The following SLIT2 variants were observed in gnomAD, a reference collection of about 807,000 sequenced individuals.
The protein encoded by SLIT2 is slit homolog 2 protein.
Under a neutral mutation model 185.7 loss-of-function variants are expected in SLIT2, and 41 were observed. The observed-to-expected ratio is 0.22, with a 90% CI of 0.17 to 0.29. The LOEUF is 0.29. Ranked by LOEUF, SLIT2 falls within the 10% of genes least tolerant of loss-of-function variation. The pLI is 1.00. For synonymous variants in SLIT2, 693 were observed against 680.2 expected (o/e 1.02, Z -0.29); for missense variants, 1,571 against 1,909.0 (o/e 0.82, Z 3.30).
chr4:20,522,034 CTCT>C (rs1311120178), intron 12 of SLIT2, among the ~76,000 whole-genome samples: 4 of 152,070 alleles, frequency 2.6e-5, no homozygotes, highest in Non-Finnish European at 5.9e-5. Flanking sequence ...CAGTTTCTCC[CTCT>C]TAAGGCGGGA....
At position 20,490,463 on chromosome 4, in the gene SLIT2, A is replaced by G. The variant is rs75487615; in HGVS notation, c.776-1298A>G. Among the ~76,000 whole-genome samples, 1,151 of 152,232 alleles carry G rather than the reference A, an allele frequency of 7.6e-3. 19 individuals are homozygous for G. The highest frequency in any genetic ancestry group is 0.027 in the African/African-American group (1,103 of 41,536). On this transcript the variant is annotated intron_variant, in intron 8 of 36. Transcript: ENST00000504154. ...TATGTGTGGGTGTGTGTGTATATAT[A>G]TATATGTATGGTTGGTTCTGCTTCA... is the stretch of plus-strand genomic sequence containing the variant.
intron 4 of SLIT2, among the ~76,000 whole-genome samples, chr4:20,433,963 A>C (rs994064912): frequency 1.3e-5 from 2 of 152,216 alleles, no homozygotes; most frequent in Non-Finnish European, 2.9e-5. Flanking sequence ...CACTTAGTGA[A>C]GACTCAGGAC....
chr4:20,483,780 G>A (rs962968549), intron 6 of SLIT2, among the ~76,000 whole-genome samples: 3 of 152,080 alleles, frequency 2.0e-5, no homozygotes, highest in Admixed American at 1.3e-4. Context: ...GTTGAGCACA[G>A]AAATAGACTT....
chr4:20,618,686 A>G (rs1471525020), intron 36 of SLIT2, 82 bp from the exon 37 acceptor site: 2 of 1,405,730 alleles, frequency 1.4e-6, no homozygotes, highest in Admixed American at 4.4e-5. Flanking sequence ...AAGGCTTCTG[A>G]ATTAAGTTGT....
At chr4:20,463,625 A>G (rs1179323820) in intron 4 of SLIT2, among the ~76,000 whole-genome samples, 4 of 149,874 alleles carry the variant, frequency 2.7e-5, no homozygotes, top group Non-Finnish European at 4.4e-5. Flanking sequence ...CTGTAATCCT[A>G]GTATTTTGGG....
intron 4 of SLIT2, among the ~76,000 whole-genome samples, chr4:20,294,058 C>G (rs1306047335): frequency 6.6e-6 from 1 of 151,794 alleles, no homozygotes; most frequent in Non-Finnish European, 1.5e-5. Flanking sequence ...AGAAAGTACC[C>G]ACATATTGTC....
At position 20,253,516 on chromosome 4, in the gene SLIT2, T is replaced by C. The variant is rs977855760; in HGVS notation, c.-300T>C. The C allele has an allele frequency of 1.0e-5, 4 of 398,978 alleles. No individual in the cohort carries two copies. Among genetic ancestry groups the C allele is most frequent in the Non-Finnish European group, 1.4e-5 (3 of 221,622 alleles). The allele number at this position is 398,978 out of a possible 1,614,324, so 24.7% of individuals were successfully genotyped here. A position where few individuals can be genotyped will look rare whatever the true frequency, so the allele number is the denominator to read the frequency against. Reference sequence around the variant, plus strand: ...TCATCCTTGGGAGACAGAAGACGCGTGATCTCCTCTCCGCTGCTCTTGGGG... The same window carrying C: ...TCATCCTTGGGAGACAGAAGACGCGCGATCTCCTCTCCGCTGCTCTTGGGG... On this transcript the variant is annotated 5_prime_UTR_variant, in exon 1 of 37. Transcript: ENST00000504154.
intron 5 of SLIT2, among the ~76,000 whole-genome samples, chr4:20,480,045 T>C (rs1028561725): frequency 2.6e-5 from 4 of 152,216 alleles, no homozygotes; most frequent in Non-Finnish European, 5.9e-5. Context: ...AACTCAAAAG[T>C]ATGCTGTATT....
chr4:20,457,595 C>T (rs6832355), intron 4 of SLIT2, among the ~76,000 whole-genome samples: 80,771 of 151,744 alleles, frequency 0.53, 23,201 homozygotes, highest in African/African-American at 0.74. Context: ...GTACATTTCC[C>T]CCTTTATTAT....
At chr4:20,480,076 T>C (rs924741310) in intron 5 of SLIT2, among the ~76,000 whole-genome samples, 8 of 152,194 alleles carry the variant, frequency 5.3e-5, no homozygotes, top group Non-Finnish European at 8.8e-5. Context: ...AGCATTTGCA[T>C]ATAATGATAA....
intron 3 of SLIT2, among the ~76,000 whole-genome samples, chr4:20,260,878 C>T (rs968843249): frequency 6.6e-6 from 1 of 151,616 alleles, no homozygotes; most frequent in African/African-American, 2.4e-5. Flanking sequence ...CTCCTCCTCT[C>T]CCTCACCTCC....
intron 23 of SLIT2, 152 bp downstream of exon 23, chr4:20,548,711 T>C: frequency 1.6e-6 from 1 of 618,962 alleles, no homozygotes. Flanking sequence ...ACGTGAACAA[T>C]GTAGACATTA....
chr4:20,488,051 T>C (rs777818935), intron 7 of SLIT2, among the ~76,000 whole-genome samples: 1 of 152,200 alleles, frequency 6.6e-6, no homozygotes, highest in Non-Finnish European at 1.5e-5. Context: ...TTTGAAGTCA[T>C]TTACCTAATT....
intron 4 of SLIT2, among the ~76,000 whole-genome samples, chr4:20,410,155 C>T (rs1727104798): frequency 6.6e-6 from 1 of 151,582 alleles, no homozygotes; most frequent in African/African-American, 2.4e-5. Flanking sequence ...GCCTATGTCC[C>T]AAATGGTATT....
At chr4:20,376,336 C>T (rs1449679913) in intron 4 of SLIT2, among the ~76,000 whole-genome samples, 4 of 151,552 alleles carry the variant, frequency 2.6e-5, no homozygotes, top group Admixed American at 6.6e-5. Context: ...TATAGGGACC[C>T]GTTGAAAAGT....
intron 4 of SLIT2, among the ~76,000 whole-genome samples, chr4:20,282,523 T>C (rs185582767): frequency 2.2e-4 from 33 of 152,330 alleles, no homozygotes; most frequent in Admixed American, 1.2e-3. Flanking sequence ...ATTACTATAC[T>C]AATTTTATAT....
At chr4:20,538,449 C>T (rs922410925) in intron 18 of SLIT2, among the ~76,000 whole-genome samples, 3 of 152,198 alleles carry the variant, frequency 2.0e-5, no homozygotes, top group Non-Finnish European at 4.4e-5. Flanking sequence ...AGAATGCAAA[C>T]GTTTATATTT....
At chr4:20,337,640 A>G (rs796421304) in intron 4 of SLIT2, among the ~76,000 whole-genome samples, 26 of 152,280 alleles carry the variant, frequency 1.7e-4, no homozygotes, top group African/African-American at 1.9e-4. Flanking sequence ...ATTTAATTCA[A>G]TTGTCTCTCT....
At position 20,463,515 on chromosome 4, in the gene SLIT2, A is replaced by ATGTGTGTGTG. The variant is rs375793654; in HGVS notation, c.396-4215_396-4206dup. Among the ~76,000 whole-genome samples, 207 of 112,332 alleles carry ATGTGTGTGTG rather than the reference A, an allele frequency of 1.8e-3. 2 individuals carry two copies. The highest frequency in any genetic ancestry group is 7.7e-3 in the East Asian group (33 of 4,310). The allele number at this position is 112,332 out of a possible 152,430, so 73.7% of individuals were successfully genotyped here. ...TATGTGTGTGTGCGTATATCCATATATGTGTGTGTGTGTGTGTGTGTGTGT... is the reference window on the plus strand; with the variant it reads ...TATGTGTGTGTGCGTATATCCATATATGTGTGTGTGTGTGTGTGTGTGTGTGTGTGTGTGT... On this transcript the variant is annotated intron_variant, in intron 4 of 36. Transcript: ENST00000504154.
Sources: gnomAD v4.1 joint callset for allele counts (sites outside exome capture counted in the v4.1 genomes callset) on GRCh38, gnomAD v4.1.1 for gene constraint, MANE v1.5 for transcripts, NCBI Gene and HGNC (gene_info 2026-07-23, HGNC 2026-07-21) for gene names.